The following ALPK2 variants were observed in gnomAD, a reference collection of about 807,000 sequenced individuals.
ALPK2 encodes alpha kinase 2, also known as alpha-protein kinase 2.
Under a neutral mutation model 163.1 loss-of-function variants are expected in ALPK2, and 127 were observed. That is an observed-to-expected ratio of 0.78 (90% confidence interval 0.67 to 0.90). ALPK2 has a LOEUF of 0.90. Among genes scored for constraint, ALPK2 ranks in the 40% least tolerant of loss-of-function variants. The pLI, the probability that ALPK2 is intolerant of heterozygous loss-of-function variation, is 0.00. For synonymous variants in ALPK2, 953 were observed against 959.1 expected (o/e 0.99, Z 0.12); for missense variants, 2,360 against 2,589.6 (o/e 0.91, Z 1.92).
At chr18:58,561,524 A>C (rs2051825529) in intron 4 of ALPK2, among the ~76,000 whole-genome samples, 1 of 152,224 alleles carries the variant, frequency 6.6e-6, no homozygotes, top group Non-Finnish European at 1.5e-5. Context: ...TAGTTTATTC[A>C]GGAGATGATC....
intron 3 of ALPK2, among the ~76,000 whole-genome samples, chr18:58,601,297 T>C (rs1384810445): frequency 6.6e-6 from 1 of 151,754 alleles, no homozygotes; most frequent in Non-Finnish European, 1.5e-5. Flanking sequence ...GGGGCAGTCA[T>C]AGGTGGCTTT....
intron 3 of ALPK2, among the ~76,000 whole-genome samples, chr18:58,587,533 A>T (rs2051993816): frequency 6.6e-6 from 1 of 152,250 alleles, no homozygotes; most frequent in Non-Finnish European, 1.5e-5. Context: ...ATGGTGTTTC[A>T]ATAAAGACAT....
intron 5 of ALPK2, among the ~76,000 whole-genome samples, chr18:58,533,767 A>G (rs2051628434): frequency 6.6e-6 from 1 of 152,130 alleles, no homozygotes. Context: ...TTCTCTTTAA[A>G]TATGCTTTAA....
At chr18:58,622,219 C>T (rs1002313859) in intron 1 of ALPK2, among the ~76,000 whole-genome samples, 2 of 151,998 alleles carry the variant, frequency 1.3e-5, no homozygotes, top group Non-Finnish European at 2.9e-5. Flanking sequence ...TGGTGGCACA[C>T]ACCTGTAATC....
At chr18:58,525,335 G>C (rs2051578789) in intron 6 of ALPK2, among the ~76,000 whole-genome samples, 1 of 152,178 alleles carries the variant, frequency 6.6e-6, no homozygotes, top group South Asian at 2.1e-4. Context: ...CAGTTATAAG[G>C]GGAAGACTTC....
intron 8 of ALPK2, among the ~76,000 whole-genome samples, chr18:58,522,006 T>TC (rs1270833640): frequency 2.0e-5 from 3 of 152,336 alleles, no homozygotes; most frequent in East Asian, 3.9e-4. Context: ...TGATTACTTT[T>TC]ATTACCTGTT....
intron 3 of ALPK2, among the ~76,000 whole-genome samples, chr18:58,583,627 A>C (rs1177316065): frequency 2.0e-5 from 3 of 152,028 alleles, no homozygotes; most frequent in Non-Finnish European, 4.4e-5. Flanking sequence ...CTGCCTGGGA[A>C]ACATGGCAAG....
intron 2 of ALPK2, 118 bp downstream of exon 2, chr18:58,611,571 A>C: frequency 1.1e-6 from 1 of 898,582 alleles, no homozygotes; most frequent in Non-Finnish European, 1.8e-6. Flanking sequence ...GATTACACAG[A>C]AAAAAAAACT....
intron 3 of ALPK2, among the ~76,000 whole-genome samples, chr18:58,583,467 C>A (rs1038907683): frequency 1.3e-5 from 2 of 152,042 alleles, no homozygotes; most frequent in African/African-American, 4.8e-5. Context: ...TCTTCATGAA[C>A]CTTTTCAATT....
chr18:58,593,696 G>A (rs2052027300), intron 3 of ALPK2, among the ~76,000 whole-genome samples: 1 of 151,566 alleles, frequency 6.6e-6, no homozygotes, highest in African/African-American at 2.4e-5. Context: ...TGGCCAACAT[G>A]GTGAAACCTC....
chr18:58,531,763 C>CCAT, intron 5 of ALPK2, among the ~76,000 whole-genome samples: 1 of 150,092 alleles, frequency 6.7e-6, no homozygotes, highest in African/African-American at 2.4e-5. Context: ...CATGGTGAAA[C>CCAT]CCCGTCTCTA....
At chr18:58,595,132 C>A (rs2144214172) in intron 3 of ALPK2, among the ~76,000 whole-genome samples, 1 of 152,282 alleles carries the variant, frequency 6.6e-6, no homozygotes, top group East Asian at 1.9e-4. Flanking sequence ...AGGTAATAAC[C>A]ACATCACCTC....
intron 2 of ALPK2, among the ~76,000 whole-genome samples, chr18:58,608,612 C>T (rs376199874): frequency 3.9e-5 from 6 of 152,246 alleles, no homozygotes; most frequent in African/African-American, 9.6e-5. Context: ...TTATTTATTG[C>T]GTGATTTTTG....
At chr18:58,613,871 C>CA (rs1308379885) in intron 1 of ALPK2, among the ~76,000 whole-genome samples, 1 of 152,102 alleles carries the variant, frequency 6.6e-6, no homozygotes, top group South Asian at 2.1e-4. Flanking sequence ...GCCTCTAGTG[C>CA]TTTCTTTTGA....
chr18:58,523,377 G>A (rs1278145007), intron 8 of ALPK2, among the ~76,000 whole-genome samples: 8 of 152,052 alleles, frequency 5.3e-5, no homozygotes, highest in Non-Finnish European at 1.2e-4. Context: ...ATAAACATAC[G>A]TGTGCATGTG....
chr18:58,527,797 G>A (rs535132582), intron 6 of ALPK2, among the ~76,000 whole-genome samples: 2 of 152,330 alleles, frequency 1.3e-5, no homozygotes, highest in African/African-American at 4.8e-5. Flanking sequence ...AAGTGGTTAT[G>A]CTATCAATTA....
intron 4 of ALPK2, among the ~76,000 whole-genome samples, chr18:58,556,154 T>C (rs1402527210): frequency 1.4e-5 from 2 of 143,568 alleles, no homozygotes; most frequent in African/African-American, 6.0e-5. Context: ...ATTCATTAAT[T>C]TATTGGACTA....
At chr18:58,604,025 G>T (rs1174086827) in intron 3 of ALPK2, among the ~76,000 whole-genome samples, 1 of 152,188 alleles carries the variant, frequency 6.6e-6, no homozygotes, top group Non-Finnish European at 1.5e-5. Flanking sequence ...AGGACAGCAT[G>T]AGGAGGAGAA....
intron 4 of ALPK2, among the ~76,000 whole-genome samples, chr18:58,572,388 TG>T (rs1355884808): frequency 6.6e-6 from 1 of 152,226 alleles, no homozygotes; most frequent in African/African-American, 2.4e-5. Flanking sequence ...CAGCAATGAC[TG>T]TCCTGGGCAT....
Sources: gnomAD v4.1 joint callset for allele counts (sites outside exome capture counted in the v4.1 genomes callset) on GRCh38, gnomAD v4.1.1 for gene constraint, MANE v1.5 for transcripts, NCBI Gene and HGNC (gene_info 2026-07-23, HGNC 2026-07-21) for gene names.